Variants in ZNF730 observed in about 807,000 individuals in gnomAD.
ZNF730 encodes zinc finger protein 730, also known as putative zinc finger protein 730.
ZNF730 carries 12 observed loss-of-function variants against 12.6 expected under a neutral mutation model. The observed-to-expected ratio is 0.95, with a 90% CI of 0.61 to 1.54. The LOEUF is 1.54. Among genes scored for constraint, ZNF730 ranks in the 40% most tolerant of loss-of-function variants. ZNF730 has a pLI of 0.00. For missense variants in ZNF730, 643 were observed against 583.5 expected, an observed-to-expected ratio of 1.10 and a Z score of -1.05; for synonymous variants, 194 against 195.8, an observed-to-expected ratio of 0.99 and a Z score of 0.08.
chr19:23,136,406 A>T (rs922812866), intron 3 of ZNF730, among the ~76,000 whole-genome samples: 2 of 151,874 alleles, frequency 1.3e-5, no homozygotes, highest in African/African-American at 4.8e-5. Context: ...TTTTTATTTT[A>T]TTTATTTATT....
chr19:23,083,829 A>G (rs140252524), intron 1 of ZNF730, among the ~76,000 whole-genome samples: 1 of 152,054 alleles, frequency 6.6e-6, no homozygotes, highest in African/African-American at 2.4e-5. Context: ...TCCTTGTCAT[A>G]TGTATAGTTT....
chr19:23,130,393 C>T (rs1224298283), intron 1 of ZNF730, among the ~76,000 whole-genome samples: 2 of 152,112 alleles, frequency 1.3e-5, no homozygotes, highest in African/African-American at 4.8e-5. Context: ...CTTTCTCTTC[C>T]CAGTCTCAGG....
chr19:23,107,007 G>A (rs1970400052), intron 1 of ZNF730, among the ~76,000 whole-genome samples: 2 of 151,184 alleles, frequency 1.3e-5, no homozygotes, highest in Admixed American at 6.6e-5. Flanking sequence ...CTTGAAAAAT[G>A]TTAGCATCAA....
chr19:23,091,544 G>A (rs1324347981), intron 1 of ZNF730, among the ~76,000 whole-genome samples: 2 of 152,328 alleles, frequency 1.3e-5, no homozygotes, highest in African/African-American at 4.8e-5. Flanking sequence ...AAAGCCACAG[G>A]GGTGGAGCTG....
chr19:23,089,506 T>G (rs1166619979), intron 1 of ZNF730, among the ~76,000 whole-genome samples: 1 of 152,146 alleles, frequency 6.6e-6, no homozygotes, highest in Non-Finnish European at 1.5e-5. Flanking sequence ...GTGGGGTCTG[T>G]TTTTTTCCTG....
chr19:23,127,248 T>A (rs1970682580), intron 1 of ZNF730: 1 of 650,480 alleles, frequency 1.5e-6, no homozygotes, highest in Non-Finnish European at 2.9e-6. Context: ...AATCTTCAAG[T>A]TTCTCTTTTT....
intron 3 of ZNF730, among the ~76,000 whole-genome samples, chr19:23,142,942 C>A (rs1970946272): frequency 6.6e-6 from 1 of 151,766 alleles, no homozygotes; most frequent in Non-Finnish European, 1.5e-5. Flanking sequence ...TTACATAAAA[C>A]CTCTTAAAAA....
intron 1 of ZNF730, chr19:23,126,621 C>T (rs766737697): frequency 2.2e-5 from 11 of 500,214 alleles, no homozygotes; most frequent in Non-Finnish European, 4.3e-5. Context: ...CTGTAGGTTA[C>T]CCTTTGCATG....
At chr19:23,116,978 C>T, upstream of ZNF730, 6 of 789,382 alleles carry the variant, frequency 7.6e-6, no homozygotes, top group Non-Finnish European at 8.7e-6. Context: ...GCCGTCCAAT[C>T]AGGCCCGCAG....
chr19:23,145,203 ATAGGT>A, intron 3 of ZNF730, 63 bp from the exon 4 acceptor site: 2 of 1,086,184 alleles, frequency 1.8e-6, no homozygotes, highest in Admixed American at 6.8e-5. Context: ...GTATAACTTT[ATAGGT>A]TAGGTTTATA....
At chr19:23,109,381 A>C (rs1599583321) in intron 1 of ZNF730, among the ~76,000 whole-genome samples, 1 of 149,514 alleles carries the variant, frequency 6.7e-6, no homozygotes, top group Non-Finnish European at 1.5e-5. Context: ...GGCACACACC[A>C]CCACGCCCAG....
At chr19:23,089,863 A>G (rs1471473002) in intron 1 of ZNF730, among the ~76,000 whole-genome samples, 1 of 152,202 alleles carries the variant, frequency 6.6e-6, no homozygotes, top group African/African-American at 2.4e-5. Context: ...GGCTCAGAAG[A>G]AGACAGGAAA....
intron 1 of ZNF730, among the ~76,000 whole-genome samples, chr19:23,101,441 C>T (rs1970334656): frequency 2.0e-5 from 3 of 152,214 alleles, no homozygotes; most frequent in Admixed American, 1.3e-4. Context: ...CATACTTAGA[C>T]CCAACGTACA....
intron 1 of ZNF730, chr19:23,126,934 C>T (rs1970678552): frequency 1.9e-6 from 1 of 519,568 alleles, no homozygotes; most frequent in Admixed American, 2.2e-5. Flanking sequence ...AGTTTGAGGT[C>T]CTCATCAGCA....
chr19:23,116,298 C>CTTTTTCT (rs1323154379), upstream of ZNF730, among the ~76,000 whole-genome samples: 6 of 86,546 alleles, frequency 6.9e-5, no homozygotes, highest in African/African-American at 2.8e-4. Context: ...GGTTATTCTG[C>CTTTTTCT]TTTTTCTTTT....
chr19:23,087,357 G>A (rs758838559), intron 1 of ZNF730, among the ~76,000 whole-genome samples: 20 of 151,936 alleles, frequency 1.3e-4, no homozygotes, highest in Non-Finnish European at 2.8e-4. Context: ...GCAGTGAGTC[G>A]AGATCGCACC....
chr19:23,081,709 C>T (rs969616097), intron 1 of ZNF730, among the ~76,000 whole-genome samples: 1 of 152,168 alleles, frequency 6.6e-6, no homozygotes, highest in Non-Finnish European at 1.5e-5. Context: ...CCCACCTCGG[C>T]CTCCCAAAGT....
upstream of ZNF730, among the ~76,000 whole-genome samples, chr19:23,116,573 C>CTTTTTTTT (rs5827552): frequency 1.2e-4 from 10 of 86,912 alleles, no homozygotes; most frequent in Non-Finnish European, 1.5e-4. Flanking sequence ...CTCCCAGCTA[C>CTTTTTTTT]TTTTTTTTTT....
chr19:23,138,492 A>G (rs1033874564), intron 3 of ZNF730, among the ~76,000 whole-genome samples: 2 of 152,196 alleles, frequency 1.3e-5, no homozygotes, highest in Non-Finnish European at 2.9e-5. Context: ...GTCTTTCTCC[A>G]GGCCTCTGAA....
Sources: allele counts gnomAD v4.1 joint callset (sites outside exome capture counted in the v4.1 genomes callset), GRCh38; gene constraint gnomAD v4.1.1; transcripts MANE v1.5; gene names NCBI Gene and HGNC (gene_info 2026-07-23, HGNC 2026-07-21).